Variants in CSMD1 observed in about 807,000 individuals in gnomAD.
CSMD1 encodes the protein CUB and sushi domain-containing protein 1.
A neutral mutation model predicts 417.5 loss-of-function variants in CSMD1; 213 were observed. The observed-to-expected ratio is 0.51, with a 90% CI of 0.46 to 0.57. CSMD1 has a LOEUF of 0.57. Ranked by LOEUF, CSMD1 falls within the 20% of genes least tolerant of loss-of-function variation. The probability of loss-of-function intolerance (pLI) is 0.00; values close to 1 mark genes in which losing one functional copy is unlikely to be tolerated. For missense variants in CSMD1, 6,923 were observed against 4,529.7 expected (o/e 1.53, Z -15.17); for synonymous variants, 2,862 against 1,736.8 (o/e 1.65, Z -16.11).
At chr8:4,143,798 G>C (rs892766778) in intron 3 of CSMD1, among the ~76,000 whole-genome samples, 1 of 151,392 alleles carries the variant, frequency 6.6e-6, no homozygotes, top group Non-Finnish European at 1.5e-5. Context: ...GCCCAAGCAA[G>C]CTGTTCCAGG....
intron 48 of CSMD1, among the ~76,000 whole-genome samples, chr8:3,088,262 G>C (rs911308457): frequency 6.6e-6 from 1 of 152,180 alleles, no homozygotes; most frequent in Non-Finnish European, 1.5e-5. Context: ...ATCTGCACAA[G>C]GCTAGGTCAC....
chr8:3,063,209 G>A lies in CSMD1; in HGVS notation c.7475-10562C>T, dbSNP rs138844446. The stretch of plus-strand genomic sequence containing the variant: ...CTCATCCTCCCTGATAAGTGGGCTT[G>A]TTGGGCATACTCTGGTAAACTAGTC... On this transcript the variant is annotated intron_variant, in intron 49 of 69. Coordinates refer to ENST00000635120, the MANE Select transcript of CSMD1 (RefSeq NM_033225.6). Among the ~76,000 whole-genome samples the A allele has an allele frequency of 1.5e-3, 225 of 152,312 alleles. 4 individuals carry two copies. Among genetic ancestry groups the A allele is most frequent in the Non-Finnish European group, 1.5e-3 (102 of 68,024 alleles).
At chr8:4,475,077 T>G (rs1800728694) in intron 2 of CSMD1, among the ~76,000 whole-genome samples, 1 of 152,158 alleles carries the variant, frequency 6.6e-6, no homozygotes, top group Non-Finnish European at 1.5e-5. Flanking sequence ...GGATTAACTG[T>G]ATTTATTTTT....
chr8:2,942,916 C>G lies in CSMD1; in HGVS notation c.10403-312G>C, dbSNP rs28650116. 4.7e-3 allele frequency among the ~76,000 whole-genome samples: 710 copies of G among 152,262 alleles called. 2 individuals are homozygous for G. The highest frequency in any genetic ancestry group is 8.0e-3 in the Non-Finnish European group (541 of 68,018). On this transcript the variant is annotated intron_variant, in intron 68 of 69. Coordinates refer to ENST00000635120, the MANE Select transcript of CSMD1 (RefSeq NM_033225.6). Reference sequence around the variant, plus strand: ...GTTATAGGTGTTTTCACAAAACTAACTGAAAACATTTATGTATTTTTTCTA... The same window carrying G: ...GTTATAGGTGTTTTCACAAAACTAAGTGAAAACATTTATGTATTTTTTCTA...
chr8:3,243,618 A>G (rs1266738301), intron 26 of CSMD1, among the ~76,000 whole-genome samples: 1 of 152,018 alleles, frequency 6.6e-6, no homozygotes, highest in East Asian at 1.9e-4. Context: ...TTTGTGGTGG[A>G]ATGTCATCAG....
At chr8:4,027,132 G>A (rs964566667) in intron 4 of CSMD1, among the ~76,000 whole-genome samples, 3 of 152,192 alleles carry the variant, frequency 2.0e-5, no homozygotes, top group African/African-American at 7.2e-5. Flanking sequence ...TTACACTCAT[G>A]TTGGGTACAC....
intron 3 of CSMD1, among the ~76,000 whole-genome samples, chr8:4,181,363 ATTTATTTT>A (rs1798361438): frequency 7.3e-6 from 1 of 136,542 alleles, no homozygotes. Context: ...TCATTTATTT[ATTTATTTT>A]TTTTTTGAAT....
chr8:3,487,576 T>G (rs1332545942), intron 11 of CSMD1, among the ~76,000 whole-genome samples: 1 of 152,216 alleles, frequency 6.6e-6, no homozygotes, highest in African/African-American at 2.4e-5. Context: ...GAGGGTATTC[T>G]ACATCCACCA....
chr8:2,951,005 C>T, intron 66 of CSMD1, 109 bp downstream of exon 66: 1 of 1,129,332 alleles, frequency 8.9e-7, no homozygotes, highest in South Asian at 1.8e-5. Flanking sequence ...TATACAAAGC[C>T]AACAGAACAG....
intron 5 of CSMD1, among the ~76,000 whole-genome samples, chr8:3,878,417 A>G (rs1364029239): frequency 6.6e-6 from 1 of 152,206 alleles, no homozygotes; most frequent in Non-Finnish European, 1.5e-5. Context: ...TTATAACAAT[A>G]ATATCAACAA....
intron 48 of CSMD1, among the ~76,000 whole-genome samples, chr8:3,088,501 TGAAG>T (rs1448791639): frequency 6.6e-6 from 1 of 152,212 alleles, no homozygotes; most frequent in Non-Finnish European, 1.5e-5. Flanking sequence ...AGAAACCTTC[TGAAG>T]GTTTTCTATC....
At chr8:4,193,292 C>G (rs1019479124) in intron 3 of CSMD1, among the ~76,000 whole-genome samples, 2 of 152,094 alleles carry the variant, frequency 1.3e-5, no homozygotes, top group African/African-American at 4.8e-5. Flanking sequence ...ATTAAAATAC[C>G]ATGCCCATAA....
intron 1 of CSMD1, among the ~76,000 whole-genome samples, chr8:4,724,538 G>GTGTC (rs1809287468): frequency 4.0e-5 from 6 of 150,698 alleles, no homozygotes; most frequent in East Asian, 1.9e-4. Flanking sequence ...GTGTGTGTGT[G>GTGTC]TGTGTGTGTG....
chr8:4,423,438 C>G (rs1797363533), intron 2 of CSMD1, among the ~76,000 whole-genome samples: 2 of 151,990 alleles, frequency 1.3e-5, no homozygotes, highest in Admixed American at 1.3e-4. Context: ...ACATCAAAAT[C>G]TGAAATACAT....
intron 1 of CSMD1, among the ~76,000 whole-genome samples, chr8:4,775,783 C>A (rs1390147418): frequency 6.6e-6 from 1 of 152,122 alleles, no homozygotes; most frequent in Non-Finnish European, 1.5e-5. Context: ...GATGTGGATG[C>A]ACTGGGGATG....
intron 5 of CSMD1, among the ~76,000 whole-genome samples, chr8:3,755,304 G>A (rs183070979): frequency 1.3e-5 from 2 of 152,266 alleles, no homozygotes; most frequent in East Asian, 3.9e-4. Flanking sequence ...GTATAAACTG[G>A]ACACGAAAAT....
chr8:3,816,847 G>T (rs1311168349), intron 5 of CSMD1, among the ~76,000 whole-genome samples: 3 of 151,996 alleles, frequency 2.0e-5, no homozygotes, highest in African/African-American at 7.2e-5. Context: ...TAGGGGTTTG[G>T]AACATATTTC....
intron 6 of CSMD1, among the ~76,000 whole-genome samples, chr8:3,726,428 G>C: frequency 6.6e-6 from 1 of 152,188 alleles, no homozygotes; most frequent in East Asian, 1.9e-4. Flanking sequence ...GAATGAGATT[G>C]GTGACAAGGA....
intron 3 of CSMD1, among the ~76,000 whole-genome samples, chr8:4,337,303 C>G (rs961584600): frequency 2.0e-5 from 3 of 152,042 alleles, no homozygotes; most frequent in African/African-American, 7.2e-5. Flanking sequence ...TTTTCTCTGC[C>G]ATGAAGATCA....
Sources: gnomAD v4.1 joint callset for allele counts (sites outside exome capture counted in the v4.1 genomes callset) on GRCh38, gnomAD v4.1.1 for gene constraint, MANE v1.5 for transcripts, NCBI Gene and HGNC (gene_info 2026-07-23, HGNC 2026-07-21) for gene names.